Variants in SHB observed in about 807,000 individuals in gnomAD.
SHB encodes the protein SH2 domain containing adaptor protein B.
A neutral mutation model predicts 52.3 loss-of-function variants in SHB; 20 were observed. The observed-to-expected ratio is 0.38, with a 90% CI of 0.27 to 0.56. SHB has a LOEUF of 0.56. SHB is among the 20% of genes least tolerant of loss of function. The pLI is 0.71. For synonymous variants in SHB, 397 were observed against 316.5 expected, an observed-to-expected ratio of 1.25 and a Z score of -2.70; for missense variants, 825 against 723.3, an observed-to-expected ratio of 1.14 and a Z score of -1.61.
chr9:38,001,372 C>T (rs1242360649), intron 2 of SHB, among the ~76,000 whole-genome samples: 1 of 152,194 alleles, frequency 6.6e-6, no homozygotes, highest in Non-Finnish European at 1.5e-5. Context: ...GGCAAAGGCA[C>T]CATCGTGTAA....
At chr9:38,054,870 C>T (rs1194261283) in intron 1 of SHB, among the ~76,000 whole-genome samples, 4 of 152,088 alleles carry the variant, frequency 2.6e-5, no homozygotes, top group Admixed American at 1.3e-4. Flanking sequence ...CAAAGGTGGC[C>T]GGACAAAAGG....
chr9:38,014,477 G>T (rs115650136), intron 2 of SHB, among the ~76,000 whole-genome samples: 1,986 of 152,352 alleles, frequency 0.013, 43 homozygotes, highest in African/African-American at 0.045. Flanking sequence ...CTGTGGTGAG[G>T]ACTCCCCCAG....
At chr9:38,012,669 T>C (rs903731873) in intron 2 of SHB, among the ~76,000 whole-genome samples, 7 of 151,772 alleles carry the variant, frequency 4.6e-5, no homozygotes, top group Non-Finnish European at 1.0e-4. Context: ...GTCATTCAGG[T>C]GGCAAGTGAC....
intron 2 of SHB, among the ~76,000 whole-genome samples, chr9:38,001,124 T>G (rs1441099152): frequency 6.6e-6 from 1 of 152,174 alleles, no homozygotes; most frequent in Non-Finnish European, 1.5e-5. Flanking sequence ...AGAGACCAAG[T>G]CAACTCAGAG....
chr9:37,957,284 C>A (rs1360610673), intron 3 of SHB, among the ~76,000 whole-genome samples: 2 of 152,230 alleles, frequency 1.3e-5, no homozygotes, highest in Admixed American at 6.5e-5. Flanking sequence ...ATCCTCCAAG[C>A]CCGGCCAGAC....
chr9:37,984,022 A>G (rs1820773070), intron 2 of SHB, among the ~76,000 whole-genome samples: 1 of 152,232 alleles, frequency 6.6e-6, no homozygotes, highest in Admixed American at 6.5e-5. Flanking sequence ...AAGTTACCTC[A>G]GTTTCTTCAT....
chr9:37,926,276 G>A (rs1052787365), intron 5 of SHB, among the ~76,000 whole-genome samples: 19 of 147,988 alleles, frequency 1.3e-4, no homozygotes, highest in African/African-American at 4.3e-4. Flanking sequence ...TCCTCCTGCC[G>A]CCTCTTTGAC....
rs545228949 is a variant in SHB, at chr9:37,916,465, T to C, written c.*3356A>G. On this transcript the variant is annotated 3_prime_UTR_variant, in exon 6 of 6. Transcript: ENST00000377707. ...AGCTACCGGAACTTCGTGTTCAGCA[T>C]CTTACAAAGGGGGCCGCTGGTTCTG... Among the ~76,000 whole-genome samples the C allele has an allele frequency of 1.6e-4, 25 of 152,344 alleles. No homozygotes were observed. In the South Asian group the frequency reaches 5.0e-3, roughly 30 times the overall value.
chr9:37,986,993 T>C (rs371360108), intron 2 of SHB, among the ~76,000 whole-genome samples: 9 of 152,346 alleles, frequency 5.9e-5, no homozygotes, highest in African/African-American at 2.2e-4. Flanking sequence ...CACACTCTAA[T>C]GAGGTAAAGC....
At position 38,068,536 on chromosome 9, in the gene SHB, G is replaced by A. The variant is rs1822009325; in HGVS notation, c.110C>T (p.Pro37Leu). 6.9e-7 allele frequency: 1 copy of A among 1,449,244 alleles called. No individual in the cohort carries two copies. Among genetic ancestry groups the A allele is most frequent in the Non-Finnish European group, 9.0e-7 (1 of 1,113,160 alleles). The allele number at this position is 1,449,244 out of a possible 1,614,324, so 89.8% of individuals were successfully genotyped here. Residue 37 changes from proline to leucine, a missense_variant, in exon 1 of 6, where the codon CCT (proline) becomes CTT (leucine). Physicochemically the swap from Pro to Leu is moderately conservative, Grantham distance 98. Transcript: ENST00000377707. ...YREQRRRGER[P>L]SQPPQAVPQA... is the part of the protein sequence containing the mutation. ...CGGCACGGCCTGGGGGGGCTGCGAAGGCCGCTCGCCTCGGCGCCGCTGCTC... is the reference window on the plus strand; with the variant it reads ...CGGCACGGCCTGGGGGGGCTGCGAAAGCCGCTCGCCTCGGCGCCGCTGCTC...
intron 2 of SHB, among the ~76,000 whole-genome samples, chr9:37,985,370 A>T (rs1820792189): frequency 6.6e-6 from 1 of 152,260 alleles, no homozygotes; most frequent in African/African-American, 2.4e-5. Context: ...GATGACGACC[A>T]ATTGCTTTCA....
At chr9:37,923,291 C>G in intron 5 of SHB, among the ~76,000 whole-genome samples, 1 of 152,330 alleles carries the variant, frequency 6.6e-6, no homozygotes, top group Middle Eastern at 3.4e-3. Flanking sequence ...GCCTCCACAG[C>G]GCCCATGGTG....
At position 37,919,608 on chromosome 9, in the gene SHB, T is replaced by TGG; in HGVS notation, c.*211_*212dup. ...TCAAGGAGAGGGTGGGGGTGGGGGC[T>TGG]GGGGTGGTGTGTTGCCGCCCTTCTG... On this transcript the variant is annotated 3_prime_UTR_variant, in exon 6 of 6. Transcript: ENST00000377707. The TGG allele has an allele frequency of 2.6e-6, 1 of 379,214 alleles. No homozygotes were observed. Among genetic ancestry groups the TGG allele is most frequent in the Non-Finnish European group, 4.8e-6 (1 of 207,934 alleles). 23.5% of individuals were successfully genotyped at this position (379,214 alleles called of 1,614,324 possible).
At chr9:37,969,091 C>CAGAAATTAGTGCAAGTGAGATGA (rs892469165) in intron 3 of SHB, among the ~76,000 whole-genome samples, 1 of 129,426 alleles carries the variant, frequency 7.7e-6, no homozygotes, top group African/African-American at 2.9e-5. Flanking sequence ...GTAGATGTCG[C>CAGAAATTAGTGCAAGTGAGATGA]AGAAATTAGT....
At chr9:38,026,744 T>C (rs1478532256) in intron 1 of SHB, among the ~76,000 whole-genome samples, 1 of 152,250 alleles carries the variant, frequency 6.6e-6, no homozygotes, top group East Asian at 1.9e-4. Context: ...CACAGGCCTG[T>C]TTCTCACATG....
chr9:37,916,719 C>G lies in SHB; in HGVS notation c.*3102G>C, dbSNP rs940620543. 6.6e-6 allele frequency among the ~76,000 whole-genome samples: 1 copy of G among 152,202 alleles called. No individual in the cohort carries two copies. ...GGAGAGGGTGTCAGCCTGGGCCATTCTTCTGACTTCAGGACGGGACTGGCA... is the reference window on the plus strand; with the variant it reads ...GGAGAGGGTGTCAGCCTGGGCCATTGTTCTGACTTCAGGACGGGACTGGCA... On this transcript the variant is annotated 3_prime_UTR_variant, in exon 6 of 6. Coordinates refer to ENST00000377707, the MANE Select transcript of SHB (RefSeq NM_003028.3).
chr9:37,969,146 C>T (rs907173366), intron 3 of SHB, among the ~76,000 whole-genome samples: 8 of 152,124 alleles, frequency 5.3e-5, no homozygotes, highest in Admixed American at 1.3e-4. Context: ...GAAGGGCATG[C>T]GATACCTCTT....
intron 5 of SHB, among the ~76,000 whole-genome samples, chr9:37,927,537 A>G (rs1242644831): frequency 6.6e-6 from 1 of 152,238 alleles, no homozygotes; most frequent in Admixed American, 6.5e-5. Flanking sequence ...TCTAGGCAGG[A>G]GAGCTGGCAG....
chr9:37,968,715 C>A (rs1820560277), intron 3 of SHB, among the ~76,000 whole-genome samples: 1 of 152,204 alleles, frequency 6.6e-6, no homozygotes, highest in Non-Finnish European at 1.5e-5. Flanking sequence ...GCTGCAGTTA[C>A]TTACTTCTCA....
Sources: allele counts gnomAD v4.1 joint callset (sites outside exome capture counted in the v4.1 genomes callset), GRCh38; gene constraint gnomAD v4.1.1; transcripts MANE v1.5; gene names NCBI Gene and HGNC (gene_info 2026-07-23, HGNC 2026-07-21).